The following VWA3A variants were observed in gnomAD, a reference collection of about 807,000 sequenced individuals.
VWA3A encodes the protein von Willebrand factor A domain containing 3A.
A neutral mutation model predicts 160.4 loss-of-function variants in VWA3A; 134 were observed. The observed-to-expected ratio is 0.84, with a 90% CI of 0.73 to 0.96. The LOEUF is 0.96. Among genes scored for constraint, VWA3A ranks in the 40% least tolerant of loss-of-function variants. VWA3A has a pLI of 0.00. For synonymous variants in VWA3A, 476 were observed against 543.4 expected (o/e 0.88, Z 1.72); for missense variants, 1,310 against 1,447.9 (o/e 0.90, Z 1.55).
In VWA3A at chr16:22,121,005, T is replaced by C. The variant is rs1252294121; in HGVS notation, c.1154T>C (p.Leu385Pro). The C allele has an allele frequency of 6.2e-7, 1 of 1,614,036 alleles. No individual in the cohort carries two copies. Among genetic ancestry groups the C allele is most frequent in the Admixed American group, 1.7e-5 (1 of 60,024 alleles). ...TEITNGPLIS[L>P]LPKPPKHDAP... ...ATTACAAATGGGCCACTCATAAGCC[T>C]CTTGCCTAAACCCCCAAAGCATGAC... The change falls in exon 13 of 34, where the codon CTC becomes CCC. Residue 385 changes from leucine (L) to proline (P), a missense_variant. Physicochemically the swap from Leu to Pro is moderately conservative, Grantham distance 98. Coordinates refer to ENST00000389398, the MANE Select transcript of VWA3A (RefSeq NM_173615.5).
At chr16:22,115,892 A>G (rs1342004106) in intron 9 of VWA3A, among the ~76,000 whole-genome samples, 1 of 34,996 alleles carries the variant, frequency 2.9e-5, no homozygotes, top group Admixed American at 2.7e-4. Flanking sequence ...GAAGGAAGGA[A>G]GGAAGGAAGG....
At chr16:22,155,081 G>C (rs925094313) in intron 31 of VWA3A, among the ~76,000 whole-genome samples, 2 of 151,578 alleles carry the variant, frequency 1.3e-5, no homozygotes, top group African/African-American at 4.9e-5. Context: ...TTGAGCCCAG[G>C]AGGTCGAGGC....
intron 31 of VWA3A, 59 bp downstream of exon 31, chr16:22,152,693 A>G (rs2046371842): frequency 7.1e-6 from 11 of 1,550,600 alleles, no homozygotes; most frequent in Non-Finnish European, 8.7e-6. Context: ...AAATATCAAC[A>G]GGCATGGGGT....
rs1436221509 is a variant in VWA3A, at chr16:22,131,719, A to T, written c.1862A>T (p.Asp621Val). ...TACCTCTTCACTGGGGGCATCCCCG[A>T]CCAGGACATGGTGGGTAGGCCACGT... Reference protein sequence around the residue: ...GIYLFTGGIPDQDMPTLSAYM... With the variant: ...GIYLFTGGIPVQDMPTLSAYM... The change falls in exon 19 of 34, where the codon GAC becomes GTC. Residue 621 changes from aspartate to valine, a missense_variant. By Grantham distance (152) the Asp-to-Val change is radical. Transcript: ENST00000389398. 2 of 1,613,392 alleles carry T rather than the reference A, an allele frequency of 1.2e-6. No individual in the cohort carries two copies. Among genetic ancestry groups the T allele is most frequent in the Non-Finnish European group, 1.7e-6 (2 of 1,179,624 alleles).
rs750155815 is a variant in VWA3A at position 22,147,693 on chromosome 16, C to G, written c.2840-469C>G. 1.0e-5 allele frequency: 7 copies of G among 701,478 alleles called. No homozygotes were observed. In the African/African-American group the frequency reaches 1.2e-4, roughly 12 times the overall value. 43.5% of individuals were successfully genotyped at this position (701,478 alleles called of 1,614,324 possible). ...GCTGGGACAGAGAAGGCGTGAGCCT[C>G]TCTCCACCCTCGGTTCACATTACCC... On this transcript the variant is annotated intron_variant, in intron 27 of 33. Coordinates refer to ENST00000389398, the MANE Select transcript of VWA3A (RefSeq NM_173615.5).
chr16:22,098,686 TA>T (rs1477541165), intron 3 of VWA3A, among the ~76,000 whole-genome samples: 2 of 152,152 alleles, frequency 1.3e-5, no homozygotes, highest in East Asian at 3.8e-4. Context: ...ATGTGTTTAA[TA>T]GTGTATCTTC....
intron 14 of VWA3A, among the ~76,000 whole-genome samples, chr16:22,122,281 GTGGATGGATGGATGGATGGATGGA>G (rs753561947): frequency 6.8e-6 from 1 of 146,654 alleles, no homozygotes; most frequent in African/African-American, 2.6e-5. Flanking sequence ...GGATGGATGG[GTGGATGGATGGATGGATGGATGGA>G]TGGATGCATG....
intron 21 of VWA3A, 69 bp from the exon 22 acceptor site, chr16:22,138,291 C>CTGTGTGTG (rs35642540): frequency 7.4e-6 from 10 of 1,357,772 alleles, no homozygotes; most frequent in Admixed American, 4.3e-5. Flanking sequence ...GTCCCTCCTG[C>CTGTGTGTG]TGTGTGTGTG....
chr16:22,155,480 T>G, intron 31 of VWA3A, 87 bp from the exon 32 acceptor site: 1 of 1,179,948 alleles, frequency 8.5e-7, no homozygotes. Context: ...AACCAGAACG[T>G]GATTAGCTCT....
Position 22,097,637 on chromosome 16 carries a change from G to A in VWA3A, c.167G>A (p.Gly56Glu). The A allele has an allele frequency of 6.4e-7, 1 of 1,551,744 alleles. No homozygotes were observed. Among genetic ancestry groups the A allele is most frequent in the Non-Finnish European group, 8.7e-7 (1 of 1,146,992 alleles). The change falls in exon 3 of 34, where the codon GGG becomes GAG. Residue 56 changes from glycine (G) to glutamate (E), a missense_variant. Gly to Glu is a moderately conservative substitution (Grantham distance 98). Coordinates refer to ENST00000389398, the MANE Select transcript of VWA3A (RefSeq NM_173615.5). ...PLKQKNMNGL[G>E]QNSDNGLLVT... ...AAGCAGAAGAATATGAATGGACTTG[G>A]GCAAAATTCGGACAATGGATTATTG...
chr16:22,120,891 T>C, intron 12 of VWA3A, 77 bp from the exon 13 acceptor site: 1 of 1,552,134 alleles, frequency 6.4e-7, no homozygotes, highest in East Asian at 2.3e-5. Context: ...TTGCATTGAC[T>C]GGGTGGAGGG....
At chr16:22,116,716 G>C (rs1416898574) in intron 9 of VWA3A, 43 bp from the exon 10 acceptor site, 1 of 1,477,350 alleles carries the variant, frequency 6.8e-7, no homozygotes, top group East Asian at 2.3e-5. Context: ...TTCTCAAAGT[G>C]GTCTGACCTG....
intron 25 of VWA3A, 52 bp downstream of exon 25, chr16:22,142,817 G>T (rs371361585): frequency 3.2e-5 from 43 of 1,354,318 alleles, no homozygotes; most frequent in Non-Finnish European, 4.4e-5. Flanking sequence ...GAGTAGTTCT[G>T]TCCACCAACC....
chr16:22,126,392 A>G, intron 17 of VWA3A, 95 bp downstream of exon 17: 2 of 1,500,504 alleles, frequency 1.3e-6, no homozygotes, highest in Non-Finnish European at 1.8e-6. Flanking sequence ...GACGATAGAT[A>G]TTGACGTCAT....
intron 1 of VWA3A, 134 bp downstream of exon 1, chr16:22,092,785 T>C: frequency 8.7e-7 from 1 of 1,149,772 alleles, no homozygotes; most frequent in Non-Finnish European, 1.2e-6. Flanking sequence ...ATGCCGAGCA[T>C]TGGGCTAAAT....
chr16:22,093,247 C>T (rs1416014694), intron 1 of VWA3A, among the ~76,000 whole-genome samples: 2 of 151,902 alleles, frequency 1.3e-5, no homozygotes, highest in African/African-American at 2.4e-5. Flanking sequence ...AGGAGGGGTG[C>T]GCGGGGGTTC....
At chr16:22,093,026 G>A (rs1215758735) in intron 1 of VWA3A, among the ~76,000 whole-genome samples, 2 of 152,038 alleles carry the variant, frequency 1.3e-5, no homozygotes, top group African/African-American at 4.8e-5. Flanking sequence ...CATCTGCCAT[G>A]GCCTGGTTGT....
chr16:22,138,883 C>G (rs1231347922), intron 22 of VWA3A, among the ~76,000 whole-genome samples: 1 of 152,082 alleles, frequency 6.6e-6, no homozygotes, highest in Non-Finnish European at 1.5e-5. Context: ...CCCGCTGCCA[C>G]CCAAGACTTT....
chr16:22,105,507 C>G (rs1334451940), intron 6 of VWA3A, among the ~76,000 whole-genome samples: 2 of 152,254 alleles, frequency 1.3e-5, no homozygotes, highest in African/African-American at 4.8e-5. Context: ...AAGTTATAAA[C>G]TAGTGGCATG....
Sources: allele counts gnomAD v4.1 joint callset (sites outside exome capture counted in the v4.1 genomes callset), GRCh38; gene constraint gnomAD v4.1.1; transcripts MANE v1.5; gene names NCBI Gene and HGNC (gene_info 2026-07-23, HGNC 2026-07-21).